PTPRT: variants seen among roughly 807,000 people sequenced by gnomAD.
The protein encoded by PTPRT is receptor-type tyrosine-protein phosphatase T.
A neutral mutation model predicts 176.8 loss-of-function variants in PTPRT; 56 were observed. The ratio of observed to expected loss-of-function variants is 0.32; its 90% confidence interval spans 0.26 to 0.40. PTPRT has a LOEUF of 0.40. PTPRT is among the 10% of genes least tolerant of loss of function. The pLI is 1.00. For missense variants in PTPRT, 1,540 were observed against 1,908.2 expected (o/e 0.81, Z 3.60); for synonymous variants, 783 against 739.0 (o/e 1.06, Z -0.96).
At chr20:42,209,867 T>A (rs994978054) in intron 15 of PTPRT, among the ~76,000 whole-genome samples, 1 of 152,074 alleles carries the variant, frequency 6.6e-6, no homozygotes, top group African/African-American at 2.4e-5. Context: ...TAGACCAATA[T>A]CCTTGATGAA....
At chr20:42,513,205 T>C (rs1034781652) in intron 7 of PTPRT, among the ~76,000 whole-genome samples, 1 of 128,192 alleles carries the variant, frequency 7.8e-6, no homozygotes, top group African/African-American at 3.3e-5. Flanking sequence ...TGATGGGGTG[T>C]GTGTGTGTGT....
chr20:42,171,024 C>G (rs1374609085), intron 16 of PTPRT, among the ~76,000 whole-genome samples: 1 of 152,014 alleles, frequency 6.6e-6, no homozygotes, highest in East Asian at 1.9e-4. Flanking sequence ...CATTTTCTTG[C>G]CCAAATTTAA....
chr20:42,345,282 C>T lies in PTPRT; in HGVS notation c.1865+5346G>A, dbSNP rs2058171620. Among the ~76,000 whole-genome samples, 3 of 151,582 alleles carry T rather than the reference C, an allele frequency of 2.0e-5. No individual in the cohort carries two copies. In the South Asian group the frequency reaches 6.3e-4, roughly 32 times the overall value. On this transcript the variant is annotated intron_variant, in intron 11 of 30. Transcript: ENST00000373187. The stretch of plus-strand genomic sequence containing the variant: ...GTTCAGTGGCAGTCATACCACACAG[C>T]ACACATATAGGACATTTCTGTAACT...
chr20:42,173,240 CAG>C (rs1257051513), intron 16 of PTPRT, among the ~76,000 whole-genome samples: 2 of 152,062 alleles, frequency 1.3e-5, no homozygotes, highest in African/African-American at 4.8e-5. Context: ...AGAGCTGAGG[CAG>C]AGTTAGGAAA....
At chr20:42,835,171 C>A (rs1052019010) in intron 2 of PTPRT, among the ~76,000 whole-genome samples, 3 of 152,068 alleles carry the variant, frequency 2.0e-5, no homozygotes, top group African/African-American at 7.2e-5. Context: ...GGCTTCTAGG[C>A]ATGTAAATTC....
chr20:43,145,154 G>A (rs2014132946), intron 1 of PTPRT, among the ~76,000 whole-genome samples: 1 of 152,184 alleles, frequency 6.6e-6, no homozygotes, highest in Non-Finnish European at 1.5e-5. Context: ...CTTCCAAAAT[G>A]TCTGATCAAC....
intron 9 of PTPRT, among the ~76,000 whole-genome samples, chr20:42,375,729 A>T (rs1241878501): frequency 2.0e-5 from 3 of 152,232 alleles, no homozygotes; most frequent in Non-Finnish European, 1.5e-5. Context: ...ATGGATAGAT[A>T]GGCAGATTTT....
chr20:43,131,086 C>T (rs1169286443), intron 1 of PTPRT, among the ~76,000 whole-genome samples: 1 of 152,218 alleles, frequency 6.6e-6, no homozygotes, highest in Non-Finnish European at 1.5e-5. Flanking sequence ...ATAACACTGG[C>T]TTCTGTCCTA....
chr20:42,122,850 C>A (rs144466519), intron 19 of PTPRT, among the ~76,000 whole-genome samples: 304 of 152,318 alleles, frequency 2.0e-3, no homozygotes, highest in Non-Finnish European at 3.8e-3. Context: ...TCATCTCCAG[C>A]CTCACCTCCA....
At chr20:43,007,531 C>T (rs114772894) in intron 1 of PTPRT, among the ~76,000 whole-genome samples, 10 of 152,120 alleles carry the variant, frequency 6.6e-5, no homozygotes, top group African/African-American at 1.2e-4. Flanking sequence ...TTTCTCATTA[C>T]GGATTTTGCT....
intron 7 of PTPRT, among the ~76,000 whole-genome samples, chr20:42,673,192 C>T (rs1036656052): frequency 6.6e-6 from 1 of 152,154 alleles, no homozygotes; most frequent in African/African-American, 2.4e-5. Flanking sequence ...CGATTGGTGA[C>T]CTTCATCCAA....
At chr20:42,722,854 A>G (rs1325766628) in intron 6 of PTPRT, among the ~76,000 whole-genome samples, 1 of 152,208 alleles carries the variant, frequency 6.6e-6, no homozygotes, top group African/African-American at 2.4e-5. Context: ...AACACCCCAG[A>G]AATGAGCTCA....
intron 2 of PTPRT, among the ~76,000 whole-genome samples, chr20:42,832,268 C>T (rs1026453052): frequency 6.6e-6 from 1 of 152,200 alleles, no homozygotes; most frequent in African/African-American, 2.4e-5. Flanking sequence ...AACAGAAAAC[C>T]AAACACCACA....
intron 7 of PTPRT, among the ~76,000 whole-genome samples, chr20:42,586,589 G>C (rs919109837): frequency 2.0e-5 from 3 of 152,100 alleles, no homozygotes; most frequent in Non-Finnish European, 4.4e-5. Context: ...TCCAGATAAA[G>C]AGCATCCTCC....
chr20:42,993,114 G>A (rs574406961), intron 1 of PTPRT, among the ~76,000 whole-genome samples: 6 of 152,110 alleles, frequency 3.9e-5, no homozygotes, highest in East Asian at 3.9e-4. Context: ...AAAAGCACAC[G>A]GAACAGAAAA....
In PTPRT at chr20:42,367,902, T is replaced by C. The variant is rs564742167; in HGVS notation, c.1561-15617A>G. ...TGTGAGAGCCAGGCTGAGACAGACTTCATGGTGAGAACTGGTTGCAGGACT... is the reference window on the plus strand; with the variant it reads ...TGTGAGAGCCAGGCTGAGACAGACTCCATGGTGAGAACTGGTTGCAGGACT... On this transcript the variant is annotated intron_variant, in intron 9 of 30. Coordinates refer to ENST00000373187, the MANE Select transcript of PTPRT (RefSeq NM_007050.6). Among the ~76,000 whole-genome samples the C allele has an allele frequency of 9.9e-5, 15 of 152,258 alleles. No individual in the cohort carries two copies. The Middle Eastern group carries it at 0.01, about 104-fold the overall frequency.
chr20:42,941,950 T>C (rs900270440), intron 1 of PTPRT, among the ~76,000 whole-genome samples: 2 of 151,848 alleles, frequency 1.3e-5, no homozygotes, highest in African/African-American at 4.8e-5. Flanking sequence ...TCAAAGTAGC[T>C]CTTCTTTAGC....
At chr20:42,629,158 T>C (rs1318968288) in intron 7 of PTPRT, among the ~76,000 whole-genome samples, 5 of 151,956 alleles carry the variant, frequency 3.3e-5, no homozygotes, top group Non-Finnish European at 7.4e-5. Flanking sequence ...TGGAAGACTC[T>C]CTTCATTTGT....
chr20:42,800,275 ACAC>A (rs1310269563), intron 2 of PTPRT, among the ~76,000 whole-genome samples: 3 of 152,312 alleles, frequency 2.0e-5, no homozygotes, highest in Admixed American at 6.5e-5. Context: ...GCTAGGCTGC[ACAC>A]CACATGTGGG....
Sources: allele counts gnomAD v4.1 joint callset (sites outside exome capture counted in the v4.1 genomes callset), GRCh38; gene constraint gnomAD v4.1.1; transcripts MANE v1.5; gene names NCBI Gene and HGNC (gene_info 2026-07-23, HGNC 2026-07-21).